TSHR: variants seen among roughly 807,000 people sequenced by gnomAD.
TSHR encodes thyroid stimulating hormone receptor.
A neutral mutation model predicts 64.1 loss-of-function variants in TSHR; 51 were observed. The observed-to-expected ratio is 0.80, with a 90% confidence interval of 0.64 to 1.01. The LOEUF (loss-of-function observed/expected upper bound fraction) is 1.01, where lower values mean the gene tolerates loss of function less well. Ranked by LOEUF, TSHR falls within the 50% of genes least tolerant of loss-of-function variation. The pLI, the probability that TSHR is intolerant of heterozygous loss-of-function variation, is 0.00. For synonymous variants in TSHR, 361 were observed against 361.9 expected, an observed-to-expected ratio of 1.00 and a Z score of 0.03; for missense variants, 877 against 942.8, an observed-to-expected ratio of 0.93 and a Z score of 0.91.
intron 1 of TSHR, chr14:81,003,662 C>G (rs1179402677): frequency 6.2e-6 from 1 of 161,056 alleles, no homozygotes; most frequent in African/African-American, 2.4e-5. Flanking sequence ...AGATCCATCT[C>G]CACTTGGATG....
chr14:81,112,063 T>C (rs1264578148), intron 8 of TSHR, among the ~76,000 whole-genome samples: 2 of 152,128 alleles, frequency 1.3e-5, no homozygotes, highest in African/African-American at 2.4e-5. Flanking sequence ...TGAAACTGCC[T>C]GAAAATGCTT....
chr14:81,076,393 T>G (rs1184261001), intron 3 of TSHR, among the ~76,000 whole-genome samples: 1 of 152,168 alleles, frequency 6.6e-6, no homozygotes, highest in Non-Finnish European at 1.5e-5. Context: ...TATCTAACAA[T>G]TCCCAAATTT....
Position 80,961,552 on chromosome 14 carries a change from C to T in TSHR, c.170+5702C>T, listed in dbSNP as rs141101602. Among the ~76,000 whole-genome samples, 157 of 152,268 alleles carry T rather than the reference C, an allele frequency of 1.0e-3. 1 individual carries two copies. Among genetic ancestry groups the T allele is most frequent in the African/African-American group, 3.4e-3 (141 of 41,550 alleles). ...AAGCTGAAGGGGTTTGATTTATTCA[C>T]TTGGGATGAACATATTAATGGACAA... On this transcript the variant is annotated intron_variant, in intron 1 of 9. Transcript: ENST00000298171.
chr14:81,022,285 A>G (rs142131349), intron 1 of TSHR, among the ~76,000 whole-genome samples: 203 of 152,134 alleles, frequency 1.3e-3, no homozygotes, highest in Non-Finnish European at 2.6e-3. Flanking sequence ...CAAAAACAAA[A>G]CAAACAACAA....
chr14:81,132,547 A>G (rs1891290145), intron 8 of TSHR, among the ~76,000 whole-genome samples: 1 of 152,164 alleles, frequency 6.6e-6, no homozygotes, highest in African/African-American at 2.4e-5. Flanking sequence ...CTCTCTCCAA[A>G]TTCAGGTCCT....
chr14:81,016,599 A>G (rs1369152478), intron 1 of TSHR, among the ~76,000 whole-genome samples: 1 of 152,070 alleles, frequency 6.6e-6, no homozygotes, highest in Non-Finnish European at 1.5e-5. Flanking sequence ...TTCCCTTGCT[A>G]TGCAGAAGCT....
At chr14:80,988,255 A>G (rs932456592) in intron 1 of TSHR, among the ~76,000 whole-genome samples, 9 of 152,136 alleles carry the variant, frequency 5.9e-5, no homozygotes, top group African/African-American at 2.2e-4. Context: ...AAAGAGGTGT[A>G]TTTGGCACAG....
intron 1 of TSHR, chr14:80,982,599 A>G: frequency 1.1e-6 from 1 of 911,716 alleles, no homozygotes; most frequent in Non-Finnish European, 1.4e-6. Context: ...CTGTGGATGA[A>G]ATTAATGGAA....
chr14:81,113,957 T>C lies in TSHR; in HGVS notation c.692+5505T>C, dbSNP rs183218090. Among the ~76,000 whole-genome samples the C allele has an allele frequency of 1.4e-3, 216 of 152,148 alleles. 1 individual carries two copies. The highest frequency in any genetic ancestry group is 5.0e-3 in the African/African-American group (208 of 41,524). On this transcript the variant is annotated intron_variant, in intron 8 of 9. Transcript: ENST00000298171. ...AAGACTCAAGGAGAATAAGCACAGT[T>C]GGGGTTAGAAGGCAGGTACTGTTCT...
intron 3 of TSHR, among the ~76,000 whole-genome samples, chr14:81,085,491 C>T (rs74477285): frequency 0.033 from 4,993 of 152,078 alleles, 243 homozygotes; most frequent in African/African-American, 0.1. Context: ...TCTTCTCCTC[C>T]TTCATGTTTC....
At chr14:81,098,553 A>C (rs1229193555) in intron 7 of TSHR, among the ~76,000 whole-genome samples, 1 of 152,172 alleles carries the variant, frequency 6.6e-6, no homozygotes, top group Non-Finnish European at 1.5e-5. Flanking sequence ...TTTTCTATGA[A>C]TGGAGTATGG....
intron 3 of TSHR, among the ~76,000 whole-genome samples, chr14:81,085,670 T>G (rs189055813): frequency 6.6e-6 from 1 of 152,210 alleles, no homozygotes; most frequent in East Asian, 1.9e-4. Flanking sequence ...TGACGTTCTC[T>G]TAGACCACTC....
At chr14:80,967,480 T>C in intron 1 of TSHR, among the ~76,000 whole-genome samples, 1 of 152,022 alleles carries the variant, frequency 6.6e-6, no homozygotes, top group Non-Finnish European at 1.5e-5. Context: ...AGATGGGTTT[T>C]CACCATGTTG....
At chr14:81,048,940 G>A (rs61978745) in intron 1 of TSHR, among the ~76,000 whole-genome samples, 19,660 of 151,870 alleles carry the variant, frequency 0.13, 1,571 homozygotes, top group Non-Finnish European at 0.18. Flanking sequence ...TAAGTGTTTT[G>A]GTCTTTATTT....
chr14:81,134,157 A>C (rs1441387847), intron 8 of TSHR, among the ~76,000 whole-genome samples: 1 of 151,928 alleles, frequency 6.6e-6, no homozygotes, highest in Non-Finnish European at 1.5e-5. Flanking sequence ...TATTTTTAGA[A>C]GGAGTTTCGC....
At chr14:81,106,521 A>C (rs2371468) in intron 7 of TSHR, among the ~76,000 whole-genome samples, 96,828 of 151,990 alleles carry the variant, frequency 0.64, 31,212 homozygotes, top group South Asian at 0.73. Context: ...GGGAGACAAA[A>C]AATAAAGTAA....
chr14:81,096,923 G>GGTGTGTGT (rs147149121), intron 7 of TSHR, among the ~76,000 whole-genome samples: 3,627 of 148,480 alleles, frequency 0.024, 130 homozygotes, highest in African/African-American at 0.079. Flanking sequence ...TTTTCTCCCT[G>GGTGTGTGT]GTGTGTGTGT....
At chr14:81,118,695 A>G (rs1890643089) in intron 8 of TSHR, among the ~76,000 whole-genome samples, 1 of 152,184 alleles carries the variant, frequency 6.6e-6, no homozygotes, top group Non-Finnish European at 1.5e-5. Flanking sequence ...TTCATATGGA[A>G]CCAAAAAAGA....
intron 1 of TSHR, among the ~76,000 whole-genome samples, chr14:81,038,145 C>T (rs1884744120): frequency 6.6e-6 from 1 of 151,738 alleles, no homozygotes; most frequent in East Asian, 1.9e-4. Context: ...TTTCTGATCA[C>T]AATGGAATAA....
Sources: allele counts gnomAD v4.1 joint callset (sites outside exome capture counted in the v4.1 genomes callset), GRCh38; gene constraint gnomAD v4.1.1; transcripts MANE v1.5; gene names NCBI Gene and HGNC (gene_info 2026-07-23, HGNC 2026-07-21).